Variants in MYH15 observed in about 807,000 individuals in gnomAD.
The protein encoded by MYH15 is myosin-15.
MYH15 carries 227 observed loss-of-function variants against 240.5 expected under a neutral mutation model. The ratio of observed to expected loss-of-function variants is 0.94; its 90% CI spans 0.85 to 1.05. The LOEUF (loss-of-function observed/expected upper bound fraction) is 1.05. Ranked by LOEUF, MYH15 falls within the 50% of genes least tolerant of loss-of-function variation. The probability of loss-of-function intolerance (pLI) is 0.00; values close to 1 mark genes in which losing one functional copy is unlikely to be tolerated. For synonymous variants in MYH15, 785 were observed against 796.7 expected, an observed-to-expected ratio of 0.99 and a Z score of 0.25; for missense variants, 2,217 against 2,247.5, an observed-to-expected ratio of 0.99 and a Z score of 0.27.
Position 108,380,817 on chromosome 3 carries a change from C to T in MYH15, c.*728G>A, listed in dbSNP as rs114146849. 7.1e-3 allele frequency: 1,084 copies of T among 152,468 alleles called. 3 individuals are homozygous for T. Among genetic ancestry groups the T allele is most frequent in the Non-Finnish European group, 0.012 (831 of 68,168 alleles). The allele number at this position is 152,468 out of a possible 1,614,324, so 9.4% of individuals were successfully genotyped here. ...CTGCTGATCAAATTAATGCAAATTT[C>T]TTTATGACCTACTCCAATCCAGAAC... On this transcript the variant is annotated 3_prime_UTR_variant, in exon 41 of 41. Transcript: ENST00000693548.
intron 32 of MYH15, 147 bp downstream of exon 32, chr3:108,408,133 A>G: frequency 1.1e-6 from 1 of 898,890 alleles, no homozygotes; most frequent in Non-Finnish European, 1.6e-6. Flanking sequence ...CGGTGATTAT[A>G]TTAAAATTAT....
intron 32 of MYH15, among the ~76,000 whole-genome samples, chr3:108,406,842 T>C (rs972479230): frequency 2.0e-5 from 3 of 152,212 alleles, no homozygotes; most frequent in South Asian, 2.1e-4. Flanking sequence ...GATGATCGAC[T>C]GAATACACAA....
At chr3:108,521,279 G>T (rs1342172952) in intron 1 of MYH15, among the ~76,000 whole-genome samples, 1 of 151,832 alleles carries the variant, frequency 6.6e-6, no homozygotes, top group Non-Finnish European at 1.5e-5. Context: ...TTAGCCAGTC[G>T]ACCCTTGACT....
intron 28 of MYH15, among the ~76,000 whole-genome samples, chr3:108,418,227 T>C (rs1416230160): frequency 6.6e-6 from 1 of 152,198 alleles, no homozygotes; most frequent in Non-Finnish European, 1.5e-5. Flanking sequence ...TCACACATCT[T>C]ACTCCAGTAT....
chr3:108,455,132 A>G (rs1174906305), intron 20 of MYH15, among the ~76,000 whole-genome samples: 1 of 152,194 alleles, frequency 6.6e-6, no homozygotes, highest in Non-Finnish European at 1.5e-5. Flanking sequence ...TGTTCCTTAT[A>G]TGAATGTCAT....
At chr3:108,415,192 CCA>C (rs1243901678) in intron 29 of MYH15, among the ~76,000 whole-genome samples, 1 of 152,054 alleles carries the variant, frequency 6.6e-6, no homozygotes, top group Non-Finnish European at 1.5e-5. Context: ...GCATTATTCC[CCA>C]GAGATAATCT....
chr3:108,470,927 C>T (rs2107587302), intron 12 of MYH15, 80 bp from the exon 13 acceptor site: 1 of 1,436,712 alleles, frequency 7.0e-7, no homozygotes, highest in Admixed American at 1.8e-5. Context: ...CAGCAACTGC[C>T]TTCTAGTCAA....
At chr3:108,494,275 G>A (rs1311047497) in intron 7 of MYH15, among the ~76,000 whole-genome samples, 1 of 152,128 alleles carries the variant, frequency 6.6e-6, no homozygotes, top group East Asian at 1.9e-4. Flanking sequence ...AAACATGCAA[G>A]TAAATATGTA....
In MYH15 at chr3:108,485,159, A is replaced by C; in HGVS notation, c.1046T>G (p.Met349Arg). 2 of 1,614,152 alleles carry C rather than the reference A, an allele frequency of 1.2e-6. No individual in the cohort carries two copies. The highest frequency in any genetic ancestry group is 1.7e-6 in the Non-Finnish European group (2 of 1,179,992). ...TTTAAATTTCATATTTCCAAAGTGC[A>C]TGATGGCTCCAGTGAGTTTATAGCA... ...YGCYKLTGAI[M>R]HFGNMKFKQK... Residue 349 changes from methionine (M) to arginine (R), a missense_variant, in exon 11 of 41, where the codon ATG becomes AGG. By Grantham distance (91) the Met-to-Arg change is moderately conservative. Coordinates refer to ENST00000693548, the MANE Select transcript of MYH15 (RefSeq NM_014981.3).
At chr3:108,516,554 C>A (rs1213595789) in intron 1 of MYH15, among the ~76,000 whole-genome samples, 1 of 152,160 alleles carries the variant, frequency 6.6e-6, no homozygotes, top group Non-Finnish European at 1.5e-5. Flanking sequence ...TAATTAGGGA[C>A]ACTACTAGGT....
intron 30 of MYH15, 141 bp downstream of exon 30, chr3:108,414,091 T>C (rs2082615092): frequency 2.6e-6 from 2 of 774,688 alleles, no homozygotes; most frequent in Non-Finnish European, 4.1e-6. Flanking sequence ...CAGTGCACGT[T>C]TCAGCTTTGG....
rs1430026710 is a variant in MYH15, at chr3:108,419,488, T to C, written c.3829+1600A>G. On this transcript the variant is annotated intron_variant, in intron 28 of 40. Transcript: ENST00000693548. ...ACTAGGGGTAGACAGCCAATGCCTA[T>C]CAAAATAGATTTTACACAGCACTTC... 2.0e-5 allele frequency among the ~76,000 whole-genome samples: 3 copies of C among 152,284 alleles called. 1 individual carries two copies. Among genetic ancestry groups the C allele is most frequent in the Admixed American group, 1.3e-4 (2 of 15,296 alleles).
In MYH15 at chr3:108,416,895, G is replaced by A. The variant is rs754719416; in HGVS notation, c.3865C>T (p.Leu1289=). ...FLRRLEEKEA[L]INQLSREKSN... ...TTTTCCCTGGAAAGTTGGTTTATCA[G>A]AGCCTCCTTCTCTTCAAGCCTCCGT... Residue 1289 remains leucine (L), a synonymous_variant, in exon 29 of 41, where the codon CTG becomes TTG. Transcript: ENST00000693548. 7 of 1,614,010 alleles carry A rather than the reference G, an allele frequency of 4.3e-6. No individual in the cohort carries two copies. The East Asian group carries it at 1.3e-4, about 31-fold the overall frequency.
At chr3:108,491,731 C>T (rs2083349924) in intron 9 of MYH15, among the ~76,000 whole-genome samples, 1 of 152,128 alleles carries the variant, frequency 6.6e-6, no homozygotes, top group Non-Finnish European at 1.5e-5. Flanking sequence ...CTGCCAACTC[C>T]CTGAGTTCAG....
chr3:108,493,642 A>G (rs2083370138), intron 7 of MYH15, among the ~76,000 whole-genome samples: 1 of 152,174 alleles, frequency 6.6e-6, no homozygotes, highest in African/African-American at 2.4e-5. Flanking sequence ...CATGGCCCCT[A>G]CCCTCATGAA....
intron 27 of MYH15, among the ~76,000 whole-genome samples, chr3:108,424,083 G>T (rs762208082): frequency 9.9e-5 from 15 of 152,236 alleles, no homozygotes; most frequent in Non-Finnish European, 1.8e-4. Flanking sequence ...GCACCTGTGT[G>T]CTTAGGGTGA....
chr3:108,414,760 T>C (rs2082621193), intron 29 of MYH15, among the ~76,000 whole-genome samples: 1 of 152,200 alleles, frequency 6.6e-6, no homozygotes, highest in African/African-American at 2.4e-5. Flanking sequence ...GCAATAAGAT[T>C]TATATTTAGC....
At chr3:108,522,198 G>C (rs1289308993) in intron 1 of MYH15, among the ~76,000 whole-genome samples, 1 of 152,000 alleles carries the variant, frequency 6.6e-6, no homozygotes, top group African/African-American at 2.4e-5. Flanking sequence ...AAAGACAGAG[G>C]GGGACTGTGG....
At chr3:108,454,170 A>C (rs1427948045) in intron 20 of MYH15, 28 bp from the exon 21 acceptor site, 2 of 1,594,154 alleles carry the variant, frequency 1.3e-6, no homozygotes, top group African/African-American at 2.7e-5. Context: ...TGTTAGCTCC[A>C]CTGATAATGG....
Sources: allele counts gnomAD v4.1 joint callset (sites outside exome capture counted in the v4.1 genomes callset), GRCh38; gene constraint gnomAD v4.1.1; transcripts MANE v1.5; gene names NCBI Gene and HGNC (gene_info 2026-07-23, HGNC 2026-07-21).